Variants in FHIT observed in about 807,000 individuals in gnomAD.
The protein encoded by FHIT is bis(5'-adenosyl)-triphosphatase.
A neutral mutation model predicts 17.9 loss-of-function variants in FHIT; 19 were observed. The observed-to-expected ratio is 1.06, with a 90% CI of 0.74 to 1.56. The LOEUF is 1.56. FHIT is among the 40% of genes most tolerant of loss of function. FHIT has a pLI of 0.00. For synonymous variants in FHIT, 81 were observed against 69.7 expected (o/e 1.16, Z -0.81); for missense variants, 248 against 189.2 (o/e 1.31, Z -1.82).
intron 5 of FHIT, among the ~76,000 whole-genome samples, chr3:60,457,566 C>A (rs1348831424): frequency 6.6e-6 from 1 of 152,006 alleles, no homozygotes; most frequent in African/African-American, 2.4e-5. Context: ...GCAACAAAAG[C>A]CAAAATTGAC....
chr3:60,409,129 AT>A (rs748660590), intron 5 of FHIT, among the ~76,000 whole-genome samples: 43 of 152,310 alleles, frequency 2.8e-4, no homozygotes, highest in Non-Finnish European at 5.3e-4. Flanking sequence ...TAAATACTGA[AT>A]ATGATAGTGT....
chr3:61,057,184 C>T (rs903009847), intron 2 of FHIT, among the ~76,000 whole-genome samples: 1 of 152,152 alleles, frequency 6.6e-6, no homozygotes, highest in Non-Finnish European at 1.5e-5. Context: ...TGCAATATTC[C>T]TCATTTGAAT....
chr3:60,998,822 C>A (rs1386024866), intron 3 of FHIT, among the ~76,000 whole-genome samples: 1 of 151,860 alleles, frequency 6.6e-6, no homozygotes, highest in Non-Finnish European at 1.5e-5. Flanking sequence ...TTCATAGTAA[C>A]TTTTTTTAAA....
chr3:60,551,272 G>C (rs28605691), intron 4 of FHIT, among the ~76,000 whole-genome samples: 36,403 of 150,256 alleles, frequency 0.24, 4,699 homozygotes, highest in Middle Eastern at 0.33. Flanking sequence ...AAAGATTCAA[G>C]CTCCAGAGTG....
intron 4 of FHIT, among the ~76,000 whole-genome samples, chr3:60,629,765 T>C (rs1408034239): frequency 2.6e-5 from 4 of 152,206 alleles, no homozygotes; most frequent in African/African-American, 9.6e-5. Flanking sequence ...TGTATCTAGG[T>C]AGACTGCCTC....
At chr3:60,216,010 C>T (rs1226805095) in intron 5 of FHIT, among the ~76,000 whole-genome samples, 1 of 152,128 alleles carries the variant, frequency 6.6e-6, no homozygotes, top group African/African-American at 2.4e-5. Context: ...AAAATGAACA[C>T]ACCCCATATC....
intron 4 of FHIT, among the ~76,000 whole-genome samples, chr3:60,552,363 T>C (rs1198713359): frequency 6.6e-6 from 1 of 152,214 alleles, no homozygotes; most frequent in African/African-American, 2.4e-5. Flanking sequence ...TGCTGGATCA[T>C]GTGGGAACTC....
intron 4 of FHIT, among the ~76,000 whole-genome samples, chr3:60,598,743 AT>A (rs1454923613): frequency 6.6e-6 from 1 of 152,192 alleles, no homozygotes; most frequent in Non-Finnish European, 1.5e-5. Context: ...AGTTTGGTGG[AT>A]TTTTTTCCCA....
chr3:59,981,077 C>T (rs1210001673), intron 7 of FHIT, among the ~76,000 whole-genome samples: 2 of 152,004 alleles, frequency 1.3e-5, no homozygotes, highest in East Asian at 1.9e-4. Context: ...CCACAAAAAA[C>T]CCACCACCAA....
Position 59,831,900 on chromosome 3 carries a change from T to A in FHIT, c.349-79579A>T, listed in dbSNP as rs1872494. Among the ~76,000 whole-genome samples, 743 of 152,194 alleles carry A rather than the reference T, an allele frequency of 4.9e-3. 4 individuals carry two copies. The highest frequency in any genetic ancestry group is 0.017 in the African/African-American group (690 of 41,528). ...TTTCACTCCTAGCCTGGGATTCAAT[T>A]TGTGGCCAAAAGCTGATGGTAAGTG... is the stretch of plus-strand genomic sequence containing the variant. On this transcript the variant is annotated intron_variant, in intron 8 of 9. Transcript: ENST00000492590.
intron 8 of FHIT, among the ~76,000 whole-genome samples, chr3:59,765,776 G>T (rs980979297): frequency 2.0e-5 from 3 of 152,182 alleles, no homozygotes; most frequent in Non-Finnish European, 4.4e-5. Flanking sequence ...AGACATGCAT[G>T]AGAATGTTCA....
intron 8 of FHIT, among the ~76,000 whole-genome samples, chr3:59,778,344 A>T (rs1702422573): frequency 6.6e-6 from 1 of 152,220 alleles, no homozygotes; most frequent in Admixed American, 6.5e-5. Flanking sequence ...AAAATCTTCC[A>T]TTTGTTGAAT....
intron 4 of FHIT, among the ~76,000 whole-genome samples, chr3:60,718,448 G>C (rs2041736533): frequency 6.6e-6 from 1 of 152,138 alleles, no homozygotes; most frequent in African/African-American, 2.4e-5. Flanking sequence ...AGGAAAACAT[G>C]TAGATAAATC....
chr3:60,121,935 G>A (rs1010909902), intron 5 of FHIT, among the ~76,000 whole-genome samples: 1 of 152,008 alleles, frequency 6.6e-6, no homozygotes, highest in Non-Finnish European at 1.5e-5. Context: ...ATATATTTGG[G>A]TTTATTTCAC....
rs551802470 is a variant in FHIT, at chr3:60,640,830, C to G, written c.-17-103851G>C. On this transcript the variant is annotated intron_variant, in intron 4 of 9. Transcript: ENST00000492590. ...AGTCCTTATCTGCTAAATAAACATACTAAAGTATTTATAGGTGAAATAATT... is the reference window on the plus strand; with the variant it reads ...AGTCCTTATCTGCTAAATAAACATAGTAAAGTATTTATAGGTGAAATAATT... Among the ~76,000 whole-genome samples the G allele has an allele frequency of 5.3e-5, 8 of 152,254 alleles. No individual in the cohort carries two copies. In the South Asian group the frequency reaches 1.2e-3, roughly 24 times the overall value.
intron 5 of FHIT, among the ~76,000 whole-genome samples, chr3:60,220,978 T>C (rs1456485396): frequency 6.6e-6 from 1 of 152,178 alleles, no homozygotes; most frequent in Middle Eastern, 3.2e-3. Context: ...TGTGTCATTA[T>C]GGCTCCTGGC....
chr3:61,047,052 A>T (rs533238597), intron 2 of FHIT, among the ~76,000 whole-genome samples: 97 of 152,340 alleles, frequency 6.4e-4, no homozygotes, highest in Non-Finnish European at 1.3e-3. Flanking sequence ...AATGGGCAAA[A>T]GCTAGAAGCA....
intron 3 of FHIT, among the ~76,000 whole-genome samples, chr3:61,017,927 C>T (rs1317573806): frequency 6.6e-6 from 1 of 151,808 alleles, no homozygotes; most frequent in Non-Finnish European, 1.5e-5. Context: ...GGCAGCCCTA[C>T]CAAAAAGAGA....
At chr3:59,961,102 C>T (rs949165800) in intron 7 of FHIT, among the ~76,000 whole-genome samples, 3 of 152,268 alleles carry the variant, frequency 2.0e-5, no homozygotes, top group East Asian at 1.9e-4. Context: ...AATGTTCAGC[C>T]TTATGGTGGA....
Sources: gnomAD v4.1 joint callset for allele counts (sites outside exome capture counted in the v4.1 genomes callset) on GRCh38, gnomAD v4.1.1 for gene constraint, MANE v1.5 for transcripts, NCBI Gene and HGNC (gene_info 2026-07-23, HGNC 2026-07-21) for gene names.